TSPEAR: variants seen among roughly 807,000 people sequenced by gnomAD.
The protein encoded by TSPEAR is thrombospondin type laminin G domain and EAR repeats, also known as thrombospondin-type laminin G domain and EAR repeat-containing protein.
In TSPEAR, 69 loss-of-function variants were observed where a neutral mutation model predicts 71.6. The observed-to-expected ratio is 0.96, with a 90% CI of 0.79 to 1.18. The LOEUF (loss-of-function observed/expected upper bound fraction) is 1.18, where lower values mean the gene tolerates loss of function less well. Among genes scored for constraint, TSPEAR ranks in the 50% most tolerant of loss-of-function variants. The pLI is 0.00. For synonymous variants in TSPEAR, 402 were observed against 387.2 expected (o/e 1.04, Z -0.45); for missense variants, 971 against 894.9 (o/e 1.09, Z -1.09).
chr21:44,608,571 C>T (rs1197212831), intron 1 of TSPEAR, among the ~76,000 whole-genome samples: 1 of 152,160 alleles, frequency 6.6e-6, no homozygotes, highest in Admixed American at 6.5e-5. Context: ...ACACAAGTAG[C>T]CATATTTTAG....
chr21:44,589,621 T>A (rs1979619244), intron 1 of TSPEAR, among the ~76,000 whole-genome samples: 1 of 152,178 alleles, frequency 6.6e-6, no homozygotes, highest in Admixed American at 6.5e-5. Context: ...ACACATCGAA[T>A]GAGGACCCAG....
In TSPEAR at chr21:44,627,180, G is replaced by A. The variant is rs782430365; in HGVS notation, c.83-59175C>T. 2.8e-5 allele frequency: 45 copies of A among 1,611,964 alleles called. 1 individual carries two copies. In the East Asian group the frequency reaches 5.1e-4, roughly 18 times the overall value. Reference sequence around the variant, plus strand: ...CTCCTCCCCACCCCAGCATGGCCGCGTCCACCATGTCCATCCGCTCCAGCG... The same window carrying A: ...CTCCTCCCCACCCCAGCATGGCCGCATCCACCATGTCCATCCGCTCCAGCG... On this transcript the variant is annotated intron_variant, in intron 1 of 11. Transcript: ENST00000323084.
At chr21:44,539,467 G>A (rs1257177551) in intron 2 of TSPEAR, 2 of 1,613,480 alleles carry the variant, frequency 1.2e-6, no homozygotes, top group Non-Finnish European at 1.7e-6. Flanking sequence ...CGGAGGAGGA[G>A]GGTCTGCAGC....
At chr21:44,502,321 T>TAATCA (rs2052048277) in intron 11 of TSPEAR, among the ~76,000 whole-genome samples, 2 of 152,350 alleles carry the variant, frequency 1.3e-5, no homozygotes, top group Non-Finnish European at 1.5e-5. Context: ...GCAAGCTACA[T>TAATCA]AATCAATTAG....
chr21:44,692,851 A>G (rs1987176337), intron 1 of TSPEAR, among the ~76,000 whole-genome samples: 1 of 152,164 alleles, frequency 6.6e-6, no homozygotes, highest in South Asian at 2.1e-4. Context: ...CCAGAAATGA[A>G]AAAGCTGATC....
intron 1 of TSPEAR, among the ~76,000 whole-genome samples, chr21:44,580,856 G>A (rs587653699): frequency 6.6e-5 from 10 of 152,078 alleles, no homozygotes; most frequent in South Asian, 2.1e-4. Flanking sequence ...TTTCTTCATC[G>A]GTTCTTATTT....
chr21:44,650,471 G>A (rs1435326887), intron 1 of TSPEAR, among the ~76,000 whole-genome samples: 6 of 152,228 alleles, frequency 3.9e-5, no homozygotes, highest in East Asian at 1.9e-4. Flanking sequence ...TTGGGGCCAC[G>A]TGATGACGGA....
intron 1 of TSPEAR, chr21:44,697,516 C>A: frequency 1.2e-6 from 2 of 1,613,084 alleles, no homozygotes; most frequent in East Asian, 2.2e-5. Context: ...AGGCCTGCTG[C>A]GTGCCCGTCT....
At chr21:44,551,447 G>A (rs587619824) in intron 2 of TSPEAR, 25 of 1,610,816 alleles carry the variant, frequency 1.6e-5, no homozygotes, top group East Asian at 2.2e-5. Flanking sequence ...TGGACATGGT[G>A]GAGGCGGCCA....
chr21:44,523,476 CAGTT>C (rs1274380302), intron 8 of TSPEAR, among the ~76,000 whole-genome samples: 11 of 151,060 alleles, frequency 7.3e-5, no homozygotes, highest in South Asian at 2.1e-4. Flanking sequence ...GTCAGTCAGG[CAGTT>C]AGTTTGGTAG....
chr21:44,532,860 G>T (rs1451278620), intron 3 of TSPEAR, among the ~76,000 whole-genome samples: 2 of 152,192 alleles, frequency 1.3e-5, no homozygotes, highest in Non-Finnish European at 1.5e-5. Context: ...GGCTACAAAG[G>T]ATAATCTTGT....
At position 44,627,805 on chromosome 21, in the gene TSPEAR, C is replaced by A. The variant is rs782705644; in HGVS notation, c.83-59800G>T. 2.5e-6 allele frequency: 4 copies of A among 1,605,428 alleles called. No homozygotes were observed. In the Admixed American group the frequency reaches 5.1e-5, roughly 21 times the overall value. On this transcript the variant is annotated intron_variant, in intron 1 of 11. Coordinates refer to ENST00000323084, the MANE Select transcript of TSPEAR (RefSeq NM_144991.3). ...TGGGGCTTCCTCTTTGTGCTGCCAG[C>A]AGTCTGGCTGCCAGCCGGCTTGCTG... is the stretch of plus-strand genomic sequence containing the variant.
intron 1 of TSPEAR, among the ~76,000 whole-genome samples, chr21:44,630,316 T>A (rs1601507385): frequency 6.6e-6 from 1 of 152,134 alleles, no homozygotes; most frequent in Non-Finnish European, 1.5e-5. Flanking sequence ...CAACTCAGAT[T>A]CCCTCCAGCC....
chr21:44,535,765 C>T (rs1555916305), intron 2 of TSPEAR, among the ~76,000 whole-genome samples: 1 of 152,060 alleles, frequency 6.6e-6, no homozygotes, highest in African/African-American at 2.4e-5. Flanking sequence ...GGGGTTTCAC[C>T]ATGTTAGCCA....
chr21:44,632,350 G>C (rs934371226), intron 1 of TSPEAR, among the ~76,000 whole-genome samples: 10 of 87,312 alleles, frequency 1.1e-4, no homozygotes, highest in African/African-American at 3.4e-4. Context: ...TTAAAGTGCT[G>C]AAAGAGAAAA....
intron 9 of TSPEAR, among the ~76,000 whole-genome samples, chr21:44,512,359 C>T (rs1342590747): frequency 6.6e-6 from 1 of 151,698 alleles, no homozygotes; most frequent in African/African-American, 2.4e-5. Flanking sequence ...GGGTGGGTGC[C>T]ACTCCTAAGA....
chr21:44,530,475 C>T (rs1555915626), intron 4 of TSPEAR, among the ~76,000 whole-genome samples: 1 of 152,050 alleles, frequency 6.6e-6, no homozygotes, highest in Non-Finnish European at 1.5e-5. Context: ...ATCCCTCCAT[C>T]CATCCATTCA....
intron 1 of TSPEAR, among the ~76,000 whole-genome samples, chr21:44,648,409 A>T (rs115567882): frequency 6.6e-6 from 1 of 152,172 alleles, no homozygotes; most frequent in African/African-American, 2.4e-5. Context: ...GCTGAATTTA[A>T]ACCCACGTGG....
intron 2 of TSPEAR, among the ~76,000 whole-genome samples, chr21:44,538,129 CA>C (rs587663504): frequency 6.6e-6 from 1 of 152,286 alleles, no homozygotes; most frequent in East Asian, 1.9e-4. Context: ...TGCAGCATCC[CA>C]GGGGCGGGCA....
Sources: gnomAD v4.1 joint callset for allele counts (sites outside exome capture counted in the v4.1 genomes callset) on GRCh38, gnomAD v4.1.1 for gene constraint, MANE v1.5 for transcripts, NCBI Gene and HGNC (gene_info 2026-07-23, HGNC 2026-07-21) for gene names.